EFCAB12: variants seen among roughly 807,000 people sequenced by gnomAD.
The protein encoded by EFCAB12 is EF-hand calcium binding domain 12, also known as EF-hand calcium-binding domain-containing protein 12.
In EFCAB12, 43 loss-of-function variants were observed where a neutral mutation model predicts 53.6. The ratio of observed to expected loss-of-function variants is 0.80; its 90% CI spans 0.63 to 1.03. The LOEUF is 1.03. Among genes scored for constraint, EFCAB12 ranks in the 50% least tolerant of loss-of-function variants. EFCAB12 has a pLI of 0.00. For missense variants in EFCAB12, 646 were observed against 730.6 expected (o/e 0.88, Z 1.34); for synonymous variants, 269 against 289.2 (o/e 0.93, Z 0.71).
At chr3:129,426,349 G>GTTTTTTTTTT (rs1229958503) in intron 1 of EFCAB12, among the ~76,000 whole-genome samples, 6 of 106,938 alleles carry the variant, frequency 5.6e-5, no homozygotes, top group African/African-American at 2.0e-4. Context: ...GGCTTACAGG[G>GTTTTTTTTTT]TTTTTTTTTG....
At chr3:129,425,748 C>T (rs1342369634) in intron 1 of EFCAB12, among the ~76,000 whole-genome samples, 3 of 152,132 alleles carry the variant, frequency 2.0e-5, no homozygotes, top group Non-Finnish European at 4.4e-5. Flanking sequence ...TGACAATGTT[C>T]CTAGGAAATT....
intron 2 of EFCAB12, among the ~76,000 whole-genome samples, 178 bp downstream of exon 2, chr3:129,421,189 G>T (rs753513148): frequency 9.9e-5 from 15 of 152,222 alleles, no homozygotes; most frequent in Non-Finnish European, 2.1e-4. Flanking sequence ...AGTCATTTGG[G>T]GGTGTTTGTT....
chr3:129,428,234 C>T lies in EFCAB12; in HGVS notation c.49+206G>A, dbSNP rs368042152. Among the ~76,000 whole-genome samples the T allele has an allele frequency of 5.3e-5, 8 of 152,194 alleles. No homozygotes were observed. The East Asian group carries it at 7.7e-4, about 15-fold the overall frequency. On this transcript the variant is annotated intron_variant, in intron 1 of 8. Coordinates refer to ENST00000505956, the MANE Select transcript of EFCAB12 (RefSeq NM_207307.3). ...GAAACAGGGCGAGCTGGAGGGCTCC[C>T]GTCACATGGGTCGGGCCTCTGGTTC...
chr3:129,420,714 C>T (rs1330160178), intron 2 of EFCAB12, among the ~76,000 whole-genome samples: 1 of 151,768 alleles, frequency 6.6e-6, no homozygotes, highest in Non-Finnish European at 1.5e-5. Context: ...TGTCCACAAA[C>T]TCTTCTGCTT....
rs1022853824 is a variant in EFCAB12 at position 129,428,546 on chromosome 3, C to T, written c.-58G>A. Reference sequence around the variant, plus strand: ...GTGTGTGAATGTGTGTCGATGTGGGCTTGCTTGCGTAGGGGTACCGGGGTA... The same window carrying T: ...GTGTGTGAATGTGTGTCGATGTGGGTTTGCTTGCGTAGGGGTACCGGGGTA... On this transcript the variant is annotated 5_prime_UTR_variant, in exon 1 of 9. Transcript: ENST00000505956. 6 of 1,582,582 alleles carry T rather than the reference C, an allele frequency of 3.8e-6. No homozygotes were observed. In the African/African-American group the frequency reaches 8.1e-5, roughly 21 times the overall value.
chr3:129,421,273 G>T, intron 2 of EFCAB12, 94 bp downstream of exon 2: 1 of 1,352,110 alleles, frequency 7.4e-7, no homozygotes, highest in Non-Finnish European at 9.9e-7. Flanking sequence ...GTGAAATGGT[G>T]TGAACTATCC....
chr3:129,405,145 CTTG>C (rs1317959807), intron 6 of EFCAB12, among the ~76,000 whole-genome samples: 1 of 152,142 alleles, frequency 6.6e-6, no homozygotes, highest in African/African-American at 2.4e-5. Flanking sequence ...CAGTTTTCTC[CTTG>C]TCTTGAATTA....
chr3:129,416,975 G>A (rs898273913), intron 3 of EFCAB12, among the ~76,000 whole-genome samples: 14 of 151,846 alleles, frequency 9.2e-5, no homozygotes, highest in Non-Finnish European at 4.4e-5. Flanking sequence ...CATTCAAAAT[G>A]TATAAAAACG....
Position 129,415,235 on chromosome 3 carries a change from G to A in EFCAB12, c.838+10C>T. On this transcript the variant is annotated intron_variant, in intron 4 of 8. Coordinates refer to ENST00000505956, the MANE Select transcript of EFCAB12 (RefSeq NM_207307.3). Reference sequence around the variant, plus strand: ...GGAGGTGGAGGCACAGGATGGGGAGGGGTACGCACGCTCCCTTGCAGTGGC... The same window carrying A: ...GGAGGTGGAGGCACAGGATGGGGAGAGGTACGCACGCTCCCTTGCAGTGGC... 6.3e-7 allele frequency: 1 copy of A among 1,582,906 alleles called. No homozygotes were observed. Among genetic ancestry groups the A allele is most frequent in the Non-Finnish European group, 8.6e-7 (1 of 1,165,714 alleles).
rs16859327 is a variant in EFCAB12, at chr3:129,415,399, G to T, written c.684C>A (p.Val228=). 6.2e-7 allele frequency: 1 copy of T among 1,613,288 alleles called. No individual in the cohort carries two copies. Among genetic ancestry groups the T allele is most frequent in the East Asian group, 2.2e-5 (1 of 44,788 alleles). ...REEFIAAVKA[V]GVPLKNQEVE... ...CCTCTTGGTTCTTCAGAGGGACTCC[G>T]ACCTGAGGAGAGAGAAGACCTTCAG... The change falls in exon 4 of 9, where the codon GTC becomes GTA. Residue 228 remains valine (V), a splice_region_variant and synonymous_variant. Transcript: ENST00000505956.
chr3:129,428,408 G>C, intron 1 of EFCAB12, 32 bp downstream of exon 1: 1 of 1,591,084 alleles, frequency 6.3e-7, no homozygotes, highest in East Asian at 2.3e-5. Context: ...GGCGCTGAGC[G>C]CTCCCTGCAG....
intron 5 of EFCAB12, among the ~76,000 whole-genome samples, chr3:129,410,742 A>G (rs1385813646): frequency 6.6e-6 from 1 of 152,220 alleles, no homozygotes; most frequent in Non-Finnish European, 1.5e-5. Flanking sequence ...AGTGCCTGGC[A>G]CATGGTAGGC....
At chr3:129,422,576 C>T (rs1158230053) in intron 1 of EFCAB12, among the ~76,000 whole-genome samples, 1 of 152,072 alleles carries the variant, frequency 6.6e-6, no homozygotes, top group East Asian at 1.9e-4. Flanking sequence ...GCTCCCTCCC[C>T]ATCCACACCC....
At chr3:129,414,104 G>A (rs1172257122) in intron 4 of EFCAB12, 1 of 152,244 alleles carries the variant, frequency 6.6e-6, no homozygotes, top group Admixed American at 6.5e-5. Flanking sequence ...TACTGTTGGG[G>A]TGGTGACACA....
At chr3:129,410,974 A>G (rs933972946) in intron 5 of EFCAB12, among the ~76,000 whole-genome samples, 184 bp downstream of exon 5, 3 of 152,202 alleles carry the variant, frequency 2.0e-5, no homozygotes, top group Non-Finnish European at 4.4e-5. Flanking sequence ...TACATTTTAC[A>G]AAAACCTCAG....
At chr3:129,426,350 TTTTTTTTTG>T (rs1159413842) in intron 1 of EFCAB12, among the ~76,000 whole-genome samples, 7 of 122,382 alleles carry the variant, frequency 5.7e-5, no homozygotes, top group African/African-American at 2.5e-4. Context: ...GCTTACAGGG[TTTTTTTTTG>T]TTTTTTTTTT....
intron 5 of EFCAB12, 88 bp from the exon 6 acceptor site, chr3:129,408,946 C>T: frequency 6.9e-7 from 1 of 1,446,914 alleles, no homozygotes; most frequent in Non-Finnish European, 9.4e-7. Context: ...GCCTCATCGA[C>T]CTCTCCCCTG....
chr3:129,414,560 CT>C (rs1353128079), intron 4 of EFCAB12: 1 of 152,144 alleles, frequency 6.6e-6, no homozygotes, highest in Non-Finnish European at 1.5e-5. Flanking sequence ...TGTAATGGTT[CT>C]TTTTTGTTTG....
chr3:129,408,835 G>T lies in EFCAB12; in HGVS notation c.1059C>A (p.Tyr353Ter), dbSNP rs375975506. Reference protein sequence around the residue: ...QHKLTIPSIQYTEQCHLVRCG... With the variant: ...QHKLTIPSIQ ...AGCGCACCAGGTGACATTGCTCCGTGTACTGGATGGAGGGGATCGTGAGCT... is the reference window on the plus strand; with the variant it reads ...AGCGCACCAGGTGACATTGCTCCGTTTACTGGATGGAGGGGATCGTGAGCT... Residue 353 changes from tyrosine to a stop codon, truncating the protein, a stop_gained, in exon 6 of 9, where the codon TAC becomes TAA. Coordinates refer to ENST00000505956, the MANE Select transcript of EFCAB12 (RefSeq NM_207307.3). LOFTEE classifies it high-confidence loss of function. The T allele has an allele frequency of 7.0e-6, 11 of 1,572,894 alleles. No homozygotes were observed. Among genetic ancestry groups the T allele is most frequent in the Admixed American group, 5.6e-5 (3 of 53,928 alleles).
Sources: gnomAD v4.1 joint callset for allele counts (sites outside exome capture counted in the v4.1 genomes callset) on GRCh38, gnomAD v4.1.1 for gene constraint, MANE v1.5 for transcripts, NCBI Gene and HGNC (gene_info 2026-07-23, HGNC 2026-07-21) for gene names.